FER1L6: variants seen among roughly 807,000 people sequenced by gnomAD.
FER1L6 encodes fer-1-like protein 6.
Under a neutral mutation model 219.2 loss-of-function variants are expected in FER1L6, and 177 were observed. The ratio of observed to expected loss-of-function variants is 0.81; its 90% confidence interval spans 0.71 to 0.91. The LOEUF (loss-of-function observed/expected upper bound fraction) is 0.91. Ranked by LOEUF, FER1L6 falls within the 40% of genes least tolerant of loss-of-function variation. The probability of loss-of-function intolerance (pLI) is 0.00; values close to 1 mark genes in which losing one functional copy is unlikely to be tolerated. For synonymous variants in FER1L6, 768 were observed against 824.3 expected (o/e 0.93, Z 1.17); for missense variants, 2,153 against 2,259.9 (o/e 0.95, Z 0.96).
intron 1 of FER1L6, among the ~76,000 whole-genome samples, chr8:123,936,033 G>A (rs965400387): frequency 1.3e-5 from 2 of 151,950 alleles, no homozygotes; most frequent in African/African-American, 2.4e-5. Context: ...CATTTCACTT[G>A]CTTCTCAAAC....
At chr8:124,102,071 A>G (rs1360639632) in intron 38 of FER1L6, among the ~76,000 whole-genome samples, 2 of 152,226 alleles carry the variant, frequency 1.3e-5, no homozygotes, top group Non-Finnish European at 2.9e-5. Flanking sequence ...TGAAGCCTCA[A>G]CGTAACAGAC....
rs563247428 is a variant in FER1L6, at chr8:123,963,232, C to T, written c.77-46C>T. On this transcript the variant is annotated intron_variant, in intron 2 of 40. Coordinates refer to ENST00000522917, the MANE Select transcript of FER1L6 (RefSeq NM_001039112.2). ...CATAAGGTAGAGGCTCGATTGCCAC[C>T]ACATGTCAATTTCACAGGATTTTCT... is the stretch of plus-strand genomic sequence containing the variant. The T allele has an allele frequency of 4.7e-5, 75 of 1,610,198 alleles. 2 individuals are homozygous for T. In the South Asian group the frequency reaches 8.1e-4, roughly 17 times the overall value.
At chr8:124,071,864 C>T (rs555062638) in intron 31 of FER1L6, among the ~76,000 whole-genome samples, 7 of 152,224 alleles carry the variant, frequency 4.6e-5, no homozygotes, top group East Asian at 1.9e-4. Flanking sequence ...CCTCTGTGCA[C>T]GTGTATATAG....
intron 35 of FER1L6, 56 bp downstream of exon 35, chr8:124,095,094 T>C (rs1378293387): frequency 6.3e-7 from 1 of 1,597,270 alleles, no homozygotes; most frequent in Non-Finnish European, 8.5e-7. Flanking sequence ...TGTAGAGTAA[T>C]GGTTTTCATC....
At position 123,980,466 on chromosome 8, in the gene FER1L6, C is replaced by T; in HGVS notation, c.1065C>T (p.Gly355=). 6.2e-7 allele frequency: 1 copy of T among 1,606,004 alleles called. No individual in the cohort carries two copies. Among genetic ancestry groups the T allele is most frequent in the Non-Finnish European group, 8.5e-7 (1 of 1,176,206 alleles). The change falls in exon 11 of 41, where the codon GGC becomes GGT. Residue 355 remains glycine (G), a splice_region_variant and synonymous_variant. Coordinates refer to ENST00000522917, the MANE Select transcript of FER1L6 (RefSeq NM_001039112.2). ...AACTAAAACCTGGGGTCTCTCTAGG[C>T]TTTCTGCCCACCTTTGGGCCTGCCT... ...KISNEQDGDK[G]FLPTFGPAWI... is the part of the protein sequence containing the mutation.
intron 1 of FER1L6, among the ~76,000 whole-genome samples, chr8:123,878,887 G>A (rs142605210): frequency 1.0e-3 from 152 of 152,318 alleles, no homozygotes; most frequent in African/African-American, 3.5e-3. Flanking sequence ...ATGAAACAAT[G>A]TTAATAGATT....
intron 1 of FER1L6, among the ~76,000 whole-genome samples, chr8:123,862,489 C>G (rs1327850886): frequency 7.2e-6 from 1 of 138,034 alleles, no homozygotes; most frequent in Non-Finnish European, 1.5e-5. Context: ...TGATGCTGGC[C>G]TCATAAAATG....
chr8:124,063,520 A>C (rs986358709), intron 25 of FER1L6, among the ~76,000 whole-genome samples: 1 of 152,192 alleles, frequency 6.6e-6, no homozygotes, highest in Admixed American at 6.5e-5. Flanking sequence ...TTTCCCCCAA[A>C]GGGTCTACTA....
intron 25 of FER1L6, among the ~76,000 whole-genome samples, chr8:124,062,454 C>T (rs1820629801): frequency 6.6e-6 from 1 of 152,176 alleles, no homozygotes; most frequent in African/African-American, 2.4e-5. Context: ...TATCTCTAAT[C>T]CCAGTGCCCT....
chr8:124,083,009 T>TATATAC (rs1563789720), intron 33 of FER1L6, among the ~76,000 whole-genome samples: 1 of 150,986 alleles, frequency 6.6e-6, no homozygotes, highest in African/African-American at 2.4e-5. Flanking sequence ...ATATATTATA[T>TATATAC]ACACACACAT....
At chr8:124,049,220 GT>G in intron 21 of FER1L6, among the ~76,000 whole-genome samples, 1 of 152,056 alleles carries the variant, frequency 6.6e-6, no homozygotes, top group South Asian at 2.1e-4. Context: ...ACTAATTTTT[GT>G]ATTTTTAGTA....
At chr8:124,070,829 C>T (rs1821038549) in intron 30 of FER1L6, among the ~76,000 whole-genome samples, 1 of 152,134 alleles carries the variant, frequency 6.6e-6, no homozygotes, top group Non-Finnish European at 1.5e-5. Flanking sequence ...GAGACAGAGT[C>T]ATTACCTGAA....
At chr8:124,022,049 A>G (rs1407259555) in intron 17 of FER1L6, among the ~76,000 whole-genome samples, 1 of 152,256 alleles carries the variant, frequency 6.6e-6, no homozygotes, top group African/African-American at 2.4e-5. Flanking sequence ...GGTGACTTCT[A>G]GAATGACCTG....
At chr8:124,096,484 T>A (rs1353129937) in intron 35 of FER1L6, among the ~76,000 whole-genome samples, 1 of 152,130 alleles carries the variant, frequency 6.6e-6, no homozygotes, top group East Asian at 1.9e-4. Flanking sequence ...TATCCCTTAC[T>A]CCTTTCTTGC....
chr8:123,948,821 T>C (rs535345760), intron 1 of FER1L6, among the ~76,000 whole-genome samples: 7 of 152,048 alleles, frequency 4.6e-5, no homozygotes, highest in African/African-American at 1.7e-4. Flanking sequence ...TACATGATGA[T>C]ATGATATGAT....
intron 15 of FER1L6, 63 bp from the exon 16 acceptor site, chr8:124,017,565 T>C: frequency 7.7e-7 from 1 of 1,291,190 alleles, no homozygotes. Flanking sequence ...TTTGCAAACC[T>C]CTGGAATTAT....
At chr8:124,066,246 GAATA>G (rs1275459293) in intron 26 of FER1L6, among the ~76,000 whole-genome samples, 178 bp from the exon 27 acceptor site, 2 of 152,322 alleles carry the variant, frequency 1.3e-5, no homozygotes, top group East Asian at 1.9e-4. Flanking sequence ...GTGAATGAAT[GAATA>G]GATTCTTGAA....
intron 35 of FER1L6, among the ~76,000 whole-genome samples, chr8:124,096,904 T>A (rs1822320315): frequency 6.6e-6 from 1 of 152,094 alleles, no homozygotes; most frequent in Non-Finnish European, 1.5e-5. Flanking sequence ...AAATGTTTTT[T>A]CCTCTGTCAA....
In FER1L6 at chr8:124,010,704, C is replaced by T. The variant is rs752067047; in HGVS notation, c.1811C>T (p.Ala604Val). 1 of 1,613,310 alleles carries T rather than the reference C, an allele frequency of 6.2e-7. No homozygotes were observed. Among genetic ancestry groups the T allele is most frequent in the East Asian group, 2.2e-5 (1 of 44,856 alleles). The stretch of plus-strand genomic sequence containing the variant: ...TGGTCCAACATGCTGGAGAAAATGG[C>T]AGACTTCCTGGTAGGTGACTCTGAC... ...LHWSNMLEKMADFLEESIEEV... is the reference protein window; with the variant it reads ...LHWSNMLEKMVDFLEESIEEV... Residue 604 changes from alanine to valine, a missense_variant, in exon 14 of 41, where the codon GCA becomes GTA. Transcript: ENST00000522917.
Sources: allele counts gnomAD v4.1 joint callset (sites outside exome capture counted in the v4.1 genomes callset), GRCh38; gene constraint gnomAD v4.1.1; transcripts MANE v1.5; gene names NCBI Gene and HGNC (gene_info 2026-07-23, HGNC 2026-07-21).